PELP1: variants seen among roughly 807,000 people sequenced by gnomAD.
PELP1 encodes the protein proline-, glutamic acid- and leucine-rich protein 1.
A neutral mutation model predicts 95.5 loss-of-function variants in PELP1; 32 were observed. The observed-to-expected ratio is 0.34, with a 90% confidence interval of 0.25 to 0.45. PELP1 has a LOEUF of 0.45. PELP1 is among the 20% of genes least tolerant of loss of function. PELP1 has a pLI of 1.00. For missense variants in PELP1, 1,358 were observed against 1,444.8 expected, an observed-to-expected ratio of 0.94 and a Z score of 0.97; for synonymous variants, 668 against 600.1, an observed-to-expected ratio of 1.11 and a Z score of -1.65.
Position 4,672,676 on chromosome 17 carries a change from T to G in PELP1, c.2315A>C (p.Glu772Ala). The change falls in exon 16 of 17, where the codon GAG becomes GCG. Residue 772 changes from glutamate (E) to alanine (A), a missense_variant. Glu to Ala is a moderately radical substitution (Grantham distance 107, BLOSUM62 -1). Transcript: ENST00000572293. ...CAAGGAGATCTCCACATCAGATGCC[T>G]CCTCCTTGTCATAGTGGACAAAGGC... ...RPAFVHYDKE[E>A]ASDVEISLES... The G allele has an allele frequency of 1.2e-6, 2 of 1,613,498 alleles. No individual in the cohort carries two copies. The highest frequency in any genetic ancestry group is 1.7e-6 in the Non-Finnish European group (2 of 1,179,700).
chr17:4,686,091 C>A (rs1482146132), intron 3 of PELP1, among the ~76,000 whole-genome samples: 1 of 151,972 alleles, frequency 6.6e-6, no homozygotes, highest in African/African-American at 2.4e-5. Context: ...AGCGAGACTC[C>A]ACCTCAAAAA....
At chr17:4,683,043 C>A in intron 3 of PELP1, 91 bp from the exon 4 acceptor site, 1 of 1,376,024 alleles carries the variant, frequency 7.3e-7, no homozygotes. Flanking sequence ...CTGAGGAATG[C>A]CACGGTTAAT....
chr17:4,702,478 A>G (rs1004312607), intron 1 of PELP1, among the ~76,000 whole-genome samples: 1 of 152,198 alleles, frequency 6.6e-6, no homozygotes, highest in African/African-American at 2.4e-5. Flanking sequence ...ACCCCACTGT[A>G]ATATAACTGA....
At position 4,694,844 on chromosome 17, in the gene PELP1, G is replaced by A. The variant is rs188922412; in HGVS notation, c.250-3402C>T. Among the ~76,000 whole-genome samples the A allele has an allele frequency of 3.0e-3, 456 of 151,498 alleles. 2 individuals carry two copies. Among genetic ancestry groups the A allele is most frequent in the Non-Finnish European group, 3.8e-3 (258 of 67,904 alleles). The stretch of plus-strand genomic sequence containing the variant: ...AAATTAGCCAGGCGTGGTGGTGGGC[G>A]CCTGTAATCCCAGCTACTCGGGAGG... On this transcript the variant is annotated intron_variant, in intron 1 of 16. Coordinates refer to ENST00000572293, the MANE Select transcript of PELP1 (RefSeq NM_014389.3).
chr17:4,684,672 C>G (rs1197819112), intron 3 of PELP1, among the ~76,000 whole-genome samples: 1 of 152,104 alleles, frequency 6.6e-6, no homozygotes, highest in Non-Finnish European at 1.5e-5. Flanking sequence ...TCTCTCCCAT[C>G]TTAAAAAAAT....
chr17:4,691,710 C>T, intron 1 of PELP1: 1 of 453,184 alleles, frequency 2.2e-6, no homozygotes, highest in Non-Finnish European at 4.0e-6. Flanking sequence ...GACAGCCCAA[C>T]TAATCCCACT....
chr17:4,695,884 C>T (rs1242396568), intron 1 of PELP1, among the ~76,000 whole-genome samples: 1 of 151,578 alleles, frequency 6.6e-6, no homozygotes, highest in Non-Finnish European at 1.5e-5. Flanking sequence ...TCAGGCTGGT[C>T]TCCAACTCCT....
chr17:4,671,643 C>G (rs1205618719), intron 16 of PELP1, 48 bp downstream of exon 16: 1 of 1,601,086 alleles, frequency 6.2e-7, no homozygotes, highest in East Asian at 2.2e-5. Flanking sequence ...CCTTCTCCCG[C>G]CAGCCCCACC....
At chr17:4,695,577 G>A (rs930039468) in intron 1 of PELP1, among the ~76,000 whole-genome samples, 1 of 149,054 alleles carries the variant, frequency 6.7e-6, no homozygotes, top group African/African-American at 2.5e-5. Flanking sequence ...GAGGCAGAAG[G>A]ATCGCTTGAA....
In PELP1 at chr17:4,672,189, TTCTTCCTCAAAC is replaced by T; in HGVS notation, c.2790_2801del (p.Phe935_Glu938del). The T allele has an allele frequency of 6.4e-7, 1 of 1,552,242 alleles. No individual in the cohort carries two copies. The highest frequency in any genetic ancestry group is 8.7e-7 in the Non-Finnish European group (1 of 1,147,286). On this transcript the variant is annotated inframe_deletion, in exon 16 of 17. Coordinates refer to ENST00000572293, the MANE Select transcript of PELP1 (RefSeq NM_014389.3). ...CTAACTCACCTTCTTCTTCCTCAAA[TTCTTCCTCAAAC>T]TCTTCTTCCTCCTCTTCTTCCTCTT...
chr17:4,671,171 G>A lies in PELP1; in HGVS notation c.*268C>T, dbSNP rs28361461. The A allele has an allele frequency of 0.019, 9,635 of 513,112 alleles. 633 individuals are homozygous for A. The highest frequency in any genetic ancestry group is 0.16 in the African/African-American group (8,179 of 52,132). The allele number at this position is 513,112 out of a possible 1,614,324, so 31.8% of individuals were successfully genotyped here. Reference sequence around the variant, plus strand: ...CTTAACCCTACACACAATTCTGCACGTTTAGCATCCAGCCAGAATCCTACA... The same window carrying A: ...CTTAACCCTACACACAATTCTGCACATTTAGCATCCAGCCAGAATCCTACA... On this transcript the variant is annotated 3_prime_UTR_variant, in exon 17 of 17. Coordinates refer to ENST00000572293, the MANE Select transcript of PELP1 (RefSeq NM_014389.3).
chr17:4,692,598 A>G (rs1913151504), intron 1 of PELP1, among the ~76,000 whole-genome samples: 2 of 152,232 alleles, frequency 1.3e-5, no homozygotes, highest in Non-Finnish European at 2.9e-5. Context: ...ATAGTATATC[A>G]GAGGGTGCTA....
intron 5 of PELP1, among the ~76,000 whole-genome samples, chr17:4,677,485 T>G (rs1203068993): frequency 6.6e-6 from 1 of 152,232 alleles, no homozygotes; most frequent in Non-Finnish European, 1.5e-5. Flanking sequence ...CACAGTAGTA[T>G]CAGCAGTACC....
Position 4,675,223 on chromosome 17 carries a change from C to A in PELP1, c.1158-28G>T. The A allele has an allele frequency of 6.2e-7, 1 of 1,607,418 alleles. No homozygotes were observed. The highest frequency in any genetic ancestry group is 1.1e-5 in the South Asian group (1 of 89,926). ...GGGGCAGAGAAGGAATGGTGACCCT[C>A]GTTTCTGGCACGCCCTATCCCTTCA... On this transcript the variant is annotated intron_variant, in intron 10 of 16. Coordinates refer to ENST00000572293, the MANE Select transcript of PELP1 (RefSeq NM_014389.3). The surrounding 1 kb of genome is among the most constrained non-coding windows in gnomAD (Gnocchi z 4.3).
intron 1 of PELP1, among the ~76,000 whole-genome samples, chr17:4,703,426 T>C (rs537616856): frequency 1.3e-5 from 2 of 152,314 alleles, no homozygotes; most frequent in Non-Finnish European, 1.5e-5. Context: ...TCGCAGCATT[T>C]TGTGTATCGC....
intron 5 of PELP1, among the ~76,000 whole-genome samples, chr17:4,677,133 C>G (rs536573745): frequency 3.9e-4 from 60 of 152,182 alleles, no homozygotes; most frequent in African/African-American, 1.3e-3. Context: ...TACTAAAAAA[C>G]AGTCTCCACA....
intron 1 of PELP1, among the ~76,000 whole-genome samples, chr17:4,700,787 G>T (rs565025431): frequency 6.6e-6 from 1 of 151,326 alleles, no homozygotes; most frequent in African/African-American, 2.4e-5. Context: ...ATTAGCCAGG[G>T]GTGGTGGCAC....
At position 4,673,483 on chromosome 17, in the gene PELP1, A is replaced by G. The variant is rs1407309964; in HGVS notation, c.1639-27T>C. Reference sequence around the variant, plus strand: ...TGAAAAGGACAGAGCACACCTGGAAACATCCCCAAGACCACCCAACCCTTC... The same window carrying G: ...TGAAAAGGACAGAGCACACCTGGAAGCATCCCCAAGACCACCCAACCCTTC... On this transcript the variant is annotated intron_variant, in intron 14 of 16. Transcript: ENST00000572293. The surrounding 1 kb of genome is among the most constrained non-coding windows in gnomAD (Gnocchi z 5.7). The G allele has an allele frequency of 6.3e-7, 1 of 1,579,048 alleles. No homozygotes were observed. Among genetic ancestry groups the G allele is most frequent in the African/African-American group, 1.3e-5 (1 of 74,098 alleles).
rs1395795744 is a variant in PELP1 at position 4,672,846 on chromosome 17, G to C, written c.2145C>G (p.Gly715=). The change falls in exon 16 of 17, where the codon GGC becomes GGG. Residue 715 remains glycine, a synonymous_variant. Coordinates refer to ENST00000572293, the MANE Select transcript of PELP1 (RefSeq NM_014389.3). ...GAAGCCGGGGAGGGACAGACACTAG[G>C]CCTGGGACAGAAAGGCCTAGGTGGT... is the stretch of plus-strand genomic sequence containing the variant. ...TANHLGLSVP[G]LVSVPPRLLP... 1 of 1,613,824 alleles carries C rather than the reference G, an allele frequency of 6.2e-7. No homozygotes were observed. Among genetic ancestry groups the C allele is most frequent in the African/African-American group, 1.3e-5 (1 of 74,920 alleles).
Sources: gnomAD v4.1 joint callset for allele counts (sites outside exome capture counted in the v4.1 genomes callset) on GRCh38, gnomAD v4.1.1 for gene constraint, Gnocchi (gnomAD v3.1) non-coding constraint, MANE v1.5 for transcripts, NCBI Gene and HGNC (gene_info 2026-07-23, HGNC 2026-07-21) for gene names.